CARS1: variants seen among roughly 807,000 people sequenced by gnomAD.
CARS1 encodes the protein cysteine--tRNA ligase, cytoplasmic.
Under a neutral mutation model 106.2 loss-of-function variants are expected in CARS1, and 48 were observed. The ratio of observed to expected loss-of-function variants is 0.45; its 90% CI spans 0.36 to 0.57. The LOEUF (loss-of-function observed/expected upper bound fraction) is 0.57. Among genes scored for constraint, CARS1 ranks in the 20% least tolerant of loss-of-function variants. CARS1 has a pLI of 0.00. For synonymous variants in CARS1, 409 were observed against 403.4 expected, an observed-to-expected ratio of 1.01 and a Z score of -0.17; for missense variants, 968 against 1,057.2, an observed-to-expected ratio of 0.92 and a Z score of 1.17.
chr11:3,012,621 A>G (rs2134119584), intron 17 of CARS1, among the ~76,000 whole-genome samples: 2 of 152,302 alleles, frequency 1.3e-5, no homozygotes, highest in South Asian at 4.1e-4. Context: ...ATGGTTTCAG[A>G]GGGGCCAGCT....
chr11:3,055,312 C>T (rs7946297), intron 1 of CARS1, among the ~76,000 whole-genome samples: 11 of 152,316 alleles, frequency 7.2e-5, no homozygotes, highest in African/African-American at 2.2e-4. Flanking sequence ...CCACCGCGCC[C>T]GGCTAATTTT....
rs1270187610 is a variant in CARS1, at chr11:3,020,798, G to T, written c.1154-466C>A. On this transcript the variant is annotated intron_variant, in intron 10 of 22. Transcript: ENST00000380525. The surrounding 1 kb of genome is among the most constrained non-coding windows in gnomAD (Gnocchi z 4.6). ...AACTATCTGCTTATGGGTCCCGGGGGATACAAGGATGCAGCTAAGCTGCTG... is the reference window on the plus strand; with the variant it reads ...AACTATCTGCTTATGGGTCCCGGGGTATACAAGGATGCAGCTAAGCTGCTG... Among the ~76,000 whole-genome samples the T allele has an allele frequency of 6.6e-6, 1 of 152,216 alleles. No individual in the cohort carries two copies. The highest frequency in any genetic ancestry group is 1.5e-5 in the Non-Finnish European group (1 of 68,042).
Position 3,042,405 on chromosome 11 carries a change from T to C in CARS1, c.275-149A>G, listed in dbSNP as rs564137532. On this transcript the variant is annotated intron_variant, in intron 2 of 22. Coordinates refer to ENST00000380525, the MANE Select transcript of CARS1 (RefSeq NM_001014437.3). ...GAAACCACACGAATCTCGGTCAACATTACGCAGGTCAAAGACAACTGCGTC... is the reference window on the plus strand; with the variant it reads ...GAAACCACACGAATCTCGGTCAACACTACGCAGGTCAAAGACAACTGCGTC... The C allele has an allele frequency of 1.0e-5, 6 of 596,404 alleles. No homozygotes were observed. The South Asian group carries it at 1.2e-4, about 12-fold the overall frequency. 36.9% of individuals were successfully genotyped at this position (596,404 alleles called of 1,614,324 possible). A position where few individuals can be genotyped will look rare whatever the true frequency, so the allele number is the denominator to read the frequency against.
At chr11:3,055,018 C>T (rs1221072388) in intron 1 of CARS1, 2 of 700,422 alleles carry the variant, frequency 2.9e-6, no homozygotes, top group African/African-American at 1.8e-5. Context: ...GCCTATGCAC[C>T]TTCAAGACCG....
Position 3,017,784 on chromosome 11 carries a change from G to A in CARS1, c.1727+73C>T. On this transcript the variant is annotated intron_variant, in intron 15 of 22. Coordinates refer to ENST00000380525, the MANE Select transcript of CARS1 (RefSeq NM_001014437.3). This position sits in a 1 kb window ranked among gnomAD's most constrained non-coding sequence, Gnocchi z 4.9. ...CCTTCCTCGACAGTCCAGGACACAT[G>A]GTGGCCAAGATGCGAGGCTAGGCAT... is the stretch of plus-strand genomic sequence containing the variant. 1 of 984,670 alleles carries A rather than the reference G, an allele frequency of 1.0e-6. No homozygotes were observed. The highest frequency in any genetic ancestry group is 2.4e-5 in the East Asian group (1 of 41,864). The allele number at this position is 984,670 out of a possible 1,614,324, so 61.0% of individuals were successfully genotyped here.
chr11:3,054,582 G>A (rs1856009470), intron 1 of CARS1, among the ~76,000 whole-genome samples: 1 of 152,202 alleles, frequency 6.6e-6, no homozygotes, highest in Non-Finnish European at 1.5e-5. Context: ...AGGCAGCACA[G>A]CACAGCAGTT....
Position 3,040,121 on chromosome 11 carries a change from T to C in CARS1, c.456-190A>G. On this transcript the variant is annotated intron_variant, in intron 4 of 22. Transcript: ENST00000380525. The surrounding 1 kb of genome is among the most constrained non-coding windows in gnomAD (Gnocchi z 5.8). ...ATGGCAAGGATGATGACCTTTATAA[T>C]GATCCACTTCCACCTAATGAATAGT... 3 of 527,166 alleles carry C rather than the reference T, an allele frequency of 5.7e-6. No homozygotes were observed. The highest frequency in any genetic ancestry group is 3.2e-5 in the East Asian group (1 of 31,056). 32.7% of individuals were successfully genotyped at this position (527,166 alleles called of 1,614,324 possible).
At chr11:3,026,245 C>G (rs186292720) in intron 10 of CARS1, among the ~76,000 whole-genome samples, 1 of 152,270 alleles carries the variant, frequency 6.6e-6, no homozygotes, top group Admixed American at 6.5e-5. Context: ...GGCACAAACA[C>G]ACAGACAGAA....
rs1028360066 is a variant in CARS1, at chr11:3,022,667, T to A, written c.1154-2335A>T. On this transcript the variant is annotated intron_variant, in intron 10 of 22. Transcript: ENST00000380525. This position sits in a 1 kb window ranked among gnomAD's most constrained non-coding sequence, Gnocchi z 4.9. ...AGCTTTGACCCTACAAGCATGTTCA[T>A]ACCAGCACAACAGGGTCCTGTTCTC... Among the ~76,000 whole-genome samples the A allele has an allele frequency of 1.3e-5, 2 of 152,228 alleles. No homozygotes were observed. The highest frequency in any genetic ancestry group is 1.3e-4 in the Admixed American group (2 of 15,284).
Position 3,022,978 on chromosome 11 carries a change from T to C in CARS1, c.1154-2646A>G, listed in dbSNP as rs914466503. Among the ~76,000 whole-genome samples, 1 of 152,228 alleles carries C rather than the reference T, an allele frequency of 6.6e-6. No homozygotes were observed. Among genetic ancestry groups the C allele is most frequent in the African/African-American group, 2.4e-5 (1 of 41,456 alleles). ...TGGTCATGTGCCCACGTCTGATCAC[T>C]GACTGTGGAGGGGTGGAAATCCATG... On this transcript the variant is annotated intron_variant, in intron 10 of 22. Transcript: ENST00000380525. This position sits in a 1 kb window ranked among gnomAD's most constrained non-coding sequence, Gnocchi z 4.9.
At chr11:3,011,491 G>C (rs952526942) in intron 18 of CARS1, among the ~76,000 whole-genome samples, 1 of 152,102 alleles carries the variant, frequency 6.6e-6, no homozygotes, top group African/African-American at 2.4e-5. Context: ...GCAGGCGCCT[G>C]TAGTCCCAGC....
At chr11:3,024,058 A>G (rs1395045673) in intron 10 of CARS1, among the ~76,000 whole-genome samples, 1 of 151,432 alleles carries the variant, frequency 6.6e-6, no homozygotes, top group Non-Finnish European at 1.5e-5. Flanking sequence ...ACACCCGGCT[A>G]ATTTTTGTAT....
chr11:3,033,688 A>G (rs1853194127), intron 7 of CARS1, among the ~76,000 whole-genome samples: 1 of 152,232 alleles, frequency 6.6e-6, no homozygotes. Flanking sequence ...AAAGAAGAAA[A>G]GAAGGAATAA....
At position 3,041,157 on chromosome 11, in the gene CARS1, T is replaced by C; in HGVS notation, c.367-173A>G. ...CAGTCTCAGTGGGAGCCCAGTGAGA[T>C]GTACGGCACCTCCCACCAACTGAGC... On this transcript the variant is annotated intron_variant, in intron 3 of 22. Coordinates refer to ENST00000380525, the MANE Select transcript of CARS1 (RefSeq NM_001014437.3). This position sits in a 1 kb window ranked among gnomAD's most constrained non-coding sequence, Gnocchi z 4.9. 1 of 989,326 alleles carries C rather than the reference T, an allele frequency of 1.0e-6. No individual in the cohort carries two copies. Among genetic ancestry groups the C allele is most frequent in the Non-Finnish European group, 1.5e-6 (1 of 684,112 alleles). 61.3% of individuals were successfully genotyped at this position (989,326 alleles called of 1,614,324 possible). A position where few individuals can be genotyped will look rare whatever the true frequency, so the allele number is the denominator to read the frequency against.
Position 3,034,724 on chromosome 11 carries a change from C to T in CARS1, c.801+3326G>A, listed in dbSNP as rs1490841168. On this transcript the variant is annotated intron_variant, in intron 7 of 22. Coordinates refer to ENST00000380525, the MANE Select transcript of CARS1 (RefSeq NM_001014437.3). This position sits in a 1 kb window ranked among gnomAD's most constrained non-coding sequence, Gnocchi z 6.3. Reference sequence around the variant, plus strand: ...TTTTTTTTTTTATTTTTAGTAGAGACGGGGTTTCACCATGTTGGCCAGGAT... The same window carrying T: ...TTTTTTTTTTTATTTTTAGTAGAGATGGGGTTTCACCATGTTGGCCAGGAT... 6.6e-6 allele frequency among the ~76,000 whole-genome samples: 1 copy of T among 151,242 alleles called. No homozygotes were observed. Among genetic ancestry groups the T allele is most frequent in the East Asian group, 1.9e-4 (1 of 5,154 alleles).
chr11:3,056,598 A>G (rs1856224721), intron 1 of CARS1, among the ~76,000 whole-genome samples: 1 of 152,194 alleles, frequency 6.6e-6, no homozygotes, highest in Non-Finnish European at 1.5e-5. Flanking sequence ...TGGAGATGAA[A>G]GCCTTCGTAA....
At position 3,026,801 on chromosome 11, in the gene CARS1, G is replaced by C. The variant is rs1590404726; in HGVS notation, c.1032-4C>G. 2 of 1,608,452 alleles carry C rather than the reference G, an allele frequency of 1.2e-6. No individual in the cohort carries two copies. The highest frequency in any genetic ancestry group is 4.5e-5 in the East Asian group (2 of 44,720). On this transcript the variant is annotated splice_region_variant and splice_polypyrimidine_tract_variant and intron_variant, in intron 9 of 22. Coordinates refer to ENST00000380525, the MANE Select transcript of CARS1 (RefSeq NM_001014437.3). ...GACAGACCCATTGGAGACATAGCTG[G>C]AAAACAGAAAAGGAATTGGGTGGGT...
chr11:3,012,242 A>G lies in CARS1; in HGVS notation c.2021T>C (p.Leu674Ser), dbSNP rs1027228230. ...EATVMPYLQV[L>S]SEFREGVRKI... The stretch of plus-strand genomic sequence containing the variant: ...CCGCACTCCTTCTCGGAATTCTGAT[A>G]ACACCTGAAGGTAGGGCATGACTGT... Residue 674 changes from leucine to serine, a missense_variant, in exon 18 of 23, where the codon TTA becomes TCA. Transcript: ENST00000380525. The G allele has an allele frequency of 3.1e-6, 5 of 1,614,134 alleles. No individual in the cohort carries two copies. The African/African-American group carries it at 5.3e-5, about 17-fold the overall frequency.
rs982976935 is a variant in CARS1 at position 3,034,113 on chromosome 11, T to G, written c.801+3937A>C. ...GGACAATTTGACCAACAGAACAGAA[T>G]TAAGAGACACAAACACATGCCAACA... is the stretch of plus-strand genomic sequence containing the variant. On this transcript the variant is annotated intron_variant, in intron 7 of 22. Transcript: ENST00000380525. This position sits in a 1 kb window ranked among gnomAD's most constrained non-coding sequence, Gnocchi z 6.3. 2.6e-5 allele frequency among the ~76,000 whole-genome samples: 4 copies of G among 152,206 alleles called. No individual in the cohort carries two copies. Among genetic ancestry groups the G allele is most frequent in the African/African-American group, 9.7e-5 (4 of 41,448 alleles).
Sources: allele counts gnomAD v4.1 joint callset (sites outside exome capture counted in the v4.1 genomes callset), GRCh38; gene constraint gnomAD v4.1.1; non-coding constraint Gnocchi (gnomAD v3.1); transcripts MANE v1.5; gene names NCBI Gene and HGNC (gene_info 2026-07-23, HGNC 2026-07-21).